The following PRKG1 variants were observed in gnomAD, a reference collection of about 807,000 sequenced individuals.
PRKG1 encodes protein kinase cGMP-dependent 1, also known as cGMP-dependent protein kinase 1.
A neutral mutation model predicts 88.1 loss-of-function variants in PRKG1; 35 were observed. That is an observed-to-expected ratio of 0.40 (90% CI 0.30 to 0.53). The LOEUF is 0.53. Ranked by LOEUF, PRKG1 falls within the 20% of genes least tolerant of loss-of-function variation. The pLI is 0.59. For missense variants in PRKG1, 540 were observed against 839.8 expected (o/e 0.64, Z 4.41); for synonymous variants, 303 against 292.5 (o/e 1.04, Z -0.37).
chr10:51,121,640 G>T (rs985593442), intron 1 of PRKG1, among the ~76,000 whole-genome samples: 1 of 152,048 alleles, frequency 6.6e-6, no homozygotes. Context: ...AAATTTTAAA[G>T]ATTTTTTCCA....
chr10:52,266,577 A>G (rs1380013035), intron 10 of PRKG1, among the ~76,000 whole-genome samples: 1 of 152,000 alleles, frequency 6.6e-6, no homozygotes, highest in Non-Finnish European at 1.5e-5. Flanking sequence ...CATCCACAAT[A>G]TTATAGAAGT....
intron 9 of PRKG1, among the ~76,000 whole-genome samples, chr10:52,239,696 A>T (rs750970544): frequency 1.6e-4 from 24 of 152,038 alleles, no homozygotes; most frequent in Middle Eastern, 6.8e-3. Flanking sequence ...CATGAATGTC[A>T]GCTGAAGTGT....
chr10:51,454,773 T>G (rs1466355179), intron 2 of PRKG1, among the ~76,000 whole-genome samples: 1 of 152,168 alleles, frequency 6.6e-6, no homozygotes, highest in East Asian at 1.9e-4. Flanking sequence ...ATCACCACCA[T>G]GATTCAGTTA....
intron 4 of PRKG1, among the ~76,000 whole-genome samples, chr10:51,810,187 A>T (rs1400516470): frequency 6.6e-6 from 1 of 152,218 alleles, no homozygotes; most frequent in African/African-American, 2.4e-5. Flanking sequence ...TATTTTCAAT[A>T]CAAATAATTG....
At chr10:52,284,383 A>C (rs1409742689) in intron 14 of PRKG1, among the ~76,000 whole-genome samples, 1 of 151,968 alleles carries the variant, frequency 6.6e-6, no homozygotes, top group Non-Finnish European at 1.5e-5. Flanking sequence ...TATTCATTTC[A>C]AGAAATAACA....
chr10:51,608,830 G>C (rs925889097), intron 3 of PRKG1, among the ~76,000 whole-genome samples: 1 of 152,110 alleles, frequency 6.6e-6, no homozygotes, highest in African/African-American at 2.4e-5. Flanking sequence ...TGATGACCCT[G>C]ACACTATGTA....
At chr10:51,952,361 G>C (rs1466461106) in intron 5 of PRKG1, among the ~76,000 whole-genome samples, 1 of 152,176 alleles carries the variant, frequency 6.6e-6, no homozygotes, top group Non-Finnish European at 1.5e-5. Flanking sequence ...TGCTGGCTGT[G>C]AACACAGGCT....
chr10:51,785,203 G>T (rs1434814474), intron 3 of PRKG1, among the ~76,000 whole-genome samples: 1 of 150,950 alleles, frequency 6.6e-6, no homozygotes. Flanking sequence ...TTTGAGAATT[G>T]GTCAGTGGGA....
At chr10:51,879,985 G>A (rs1174156058) in intron 4 of PRKG1, among the ~76,000 whole-genome samples, 1 of 152,216 alleles carries the variant, frequency 6.6e-6, no homozygotes, top group Non-Finnish European at 1.5e-5. Flanking sequence ...ACATGGAGCA[G>A]AATGTAAGTG....
At chr10:51,723,968 G>C (rs1315906717) in intron 3 of PRKG1, among the ~76,000 whole-genome samples, 1 of 152,114 alleles carries the variant, frequency 6.6e-6, no homozygotes, top group Non-Finnish European at 1.5e-5. Context: ...TTAATTTTAG[G>C]TGCCAACTTA....
chr10:51,456,683 C>A (rs293278), intron 2 of PRKG1, among the ~76,000 whole-genome samples: 113,417 of 152,014 alleles, frequency 0.75, 43,191 homozygotes, highest in African/African-American at 0.9. Context: ...ATATTCACAA[C>A]CTATGCTTCT....
At chr10:52,185,888 G>C (rs762838820) in intron 9 of PRKG1, among the ~76,000 whole-genome samples, 6 of 152,306 alleles carry the variant, frequency 3.9e-5, no homozygotes, top group Admixed American at 6.5e-5. Context: ...GCAAAGAGCA[G>C]TGTCCCAAGG....
At chr10:51,804,075 C>T (rs1008964464) in intron 3 of PRKG1, among the ~76,000 whole-genome samples, 1 of 152,036 alleles carries the variant, frequency 6.6e-6, no homozygotes, top group African/African-American at 2.4e-5. Flanking sequence ...GTAAAACGAG[C>T]TTTGTGTGGA....
chr10:51,850,501 A>G lies in PRKG1; in HGVS notation c.698+45811A>G, dbSNP rs1320917545. On this transcript the variant is annotated intron_variant, in intron 4 of 17. Coordinates refer to ENST00000373980, the MANE Select transcript of PRKG1 (RefSeq NM_006258.4). ...CCATGTTGCAATTTTATATATATAT[A>G]TATGTATATGTATATGTATATATTT... 5.3e-5 allele frequency among the ~76,000 whole-genome samples: 8 copies of G among 151,080 alleles called. No homozygotes were observed. In the East Asian group the frequency reaches 1.5e-3, roughly 29 times the overall value.
At position 52,273,851 on chromosome 10, in the gene PRKG1, G is replaced by T. The variant is rs187980157; in HGVS notation, c.1403+1370G>T. On this transcript the variant is annotated intron_variant, in intron 12 of 17. Coordinates refer to ENST00000373980, the MANE Select transcript of PRKG1 (RefSeq NM_006258.4). ...TATACCAGGCATTGTGATAGAGGCT[G>T]GGGATCCAGTAATAAACAAAACAGA... Among the ~76,000 whole-genome samples, 38 of 152,146 alleles carry T rather than the reference G, an allele frequency of 2.5e-4. 1 individual carries two copies. The highest frequency in any genetic ancestry group is 2.5e-3 in the Admixed American group (38 of 15,246).
chr10:52,039,986 A>C (rs1179517727), intron 5 of PRKG1, among the ~76,000 whole-genome samples: 1 of 152,142 alleles, frequency 6.6e-6, no homozygotes, highest in East Asian at 1.9e-4. Flanking sequence ...GAAACAAAAA[A>C]TCCTTACCAT....
intron 1 of PRKG1, among the ~76,000 whole-genome samples, chr10:51,095,331 A>G (rs553640920): frequency 4.0e-4 from 61 of 152,146 alleles, no homozygotes; most frequent in Non-Finnish European, 7.4e-4. Context: ...ATGAGCTCCC[A>G]AAATGTTTTG....
intron 3 of PRKG1, among the ~76,000 whole-genome samples, chr10:51,649,899 G>T (rs1839998584): frequency 6.6e-6 from 1 of 152,164 alleles, no homozygotes; most frequent in African/African-American, 2.4e-5. Context: ...AAGTTACAAA[G>T]GTCACATTCC....
At chr10:52,012,521 C>T (rs572846703) in intron 5 of PRKG1, among the ~76,000 whole-genome samples, 67 of 152,180 alleles carry the variant, frequency 4.4e-4, no homozygotes, top group African/African-American at 1.4e-3. Context: ...GGATTACAGG[C>T]GTGAGCCACC....
Sources: allele counts gnomAD v4.1 joint callset (sites outside exome capture counted in the v4.1 genomes callset), GRCh38; gene constraint gnomAD v4.1.1; transcripts MANE v1.5; gene names NCBI Gene and HGNC (gene_info 2026-07-23, HGNC 2026-07-21).